Variants in CNTN5 observed in about 807,000 individuals in gnomAD.
The protein encoded by CNTN5 is contactin 5, also known as contactin-5.
A neutral mutation model predicts 129.1 loss-of-function variants in CNTN5; 77 were observed. The observed-to-expected ratio is 0.60, with a 90% CI of 0.50 to 0.72. The LOEUF (loss-of-function observed/expected upper bound fraction) is 0.72, where lower values mean the gene tolerates loss of function less well. Ranked by LOEUF, CNTN5 falls within the 30% of genes least tolerant of loss-of-function variation. The pLI, the probability that CNTN5 is intolerant of heterozygous loss-of-function variation, is 0.00. For synonymous variants in CNTN5, 509 were observed against 465.6 expected (o/e 1.09, Z -1.20); for missense variants, 1,478 against 1,328.8 (o/e 1.11, Z -1.75).
At chr11:99,754,482 C>T (rs1196661508) in intron 3 of CNTN5, among the ~76,000 whole-genome samples, 2 of 152,164 alleles carry the variant, frequency 1.3e-5, no homozygotes, top group Non-Finnish European at 2.9e-5. Flanking sequence ...CTTAAGGGTT[C>T]AACTTGTACT....
At position 100,340,650 on chromosome 11, in the gene CNTN5, G is replaced by A; in HGVS notation, c.2917+1G>A. ...GTGAGTGCAACCACCAAGAAATCCC[G>A]TAAGTGACCTGGGCTTTTTGTTTGT... is the stretch of plus-strand genomic sequence containing the variant. On this transcript the variant is annotated splice_donor_variant, in intron 22 of 24. Coordinates refer to ENST00000524871, the MANE Select transcript of CNTN5 (RefSeq NM_014361.4). LOFTEE classifies it high-confidence loss of function. The A allele has an allele frequency of 3.1e-6, 5 of 1,588,976 alleles. No homozygotes were observed. Among genetic ancestry groups the A allele is most frequent in the African/African-American group, 2.7e-5 (2 of 73,362 alleles).
intron 21 of CNTN5, among the ~76,000 whole-genome samples, chr11:100,309,975 G>A (rs1729164340): frequency 1.3e-5 from 2 of 151,842 alleles, no homozygotes; most frequent in African/African-American, 4.8e-5. Context: ...GAACTTTATG[G>A]TGTAGTTTAT....
intron 3 of CNTN5, among the ~76,000 whole-genome samples, chr11:99,676,311 A>G (rs564951692): frequency 6.6e-6 from 1 of 152,318 alleles, no homozygotes; most frequent in South Asian, 2.1e-4. Flanking sequence ...ACCATAGACT[A>G]CAACATAAAA....
chr11:99,427,504 C>T (rs567979020), intron 2 of CNTN5, among the ~76,000 whole-genome samples: 6 of 152,172 alleles, frequency 3.9e-5, no homozygotes, highest in East Asian at 1.9e-4. Flanking sequence ...CGGTGGCTCA[C>T]GCCTGTTATC....
chr11:99,903,053 G>T (rs1449208355), intron 6 of CNTN5, among the ~76,000 whole-genome samples: 1 of 151,970 alleles, frequency 6.6e-6, no homozygotes, highest in Non-Finnish European at 1.5e-5. Context: ...TAGCTTATAA[G>T]AGAAAAAATG....
chr11:99,281,575 G>A (rs140669651), intron 1 of CNTN5, among the ~76,000 whole-genome samples: 11 of 152,016 alleles, frequency 7.2e-5, no homozygotes, highest in African/African-American at 2.4e-4. Flanking sequence ...GGTCCTGACT[G>A]ACTCACCTGC....
At chr11:100,146,157 A>ACAAT (rs774469138) in intron 13 of CNTN5, among the ~76,000 whole-genome samples, 190 of 152,270 alleles carry the variant, frequency 1.2e-3, no homozygotes, top group Non-Finnish European at 2.4e-3. Context: ...GAGGGAAATA[A>ACAAT]CAATCAGTAA....
intron 13 of CNTN5, among the ~76,000 whole-genome samples, chr11:100,124,623 T>C (rs1490286609): frequency 6.6e-6 from 1 of 152,084 alleles, no homozygotes; most frequent in Non-Finnish European, 1.5e-5. Flanking sequence ...ATATAAAGTA[T>C]TGTGATTTAG....
intron 3 of CNTN5, among the ~76,000 whole-genome samples, chr11:99,691,003 A>G (rs575045057): frequency 6.6e-5 from 10 of 151,996 alleles, no homozygotes; most frequent in African/African-American, 2.4e-4. Flanking sequence ...GTATGTATCT[A>G]GTAATTTATT....
chr11:100,277,273 T>C (rs1283263424), intron 18 of CNTN5, among the ~76,000 whole-genome samples: 1 of 152,212 alleles, frequency 6.6e-6, no homozygotes, highest in African/African-American at 2.4e-5. Context: ...TGAATATTAC[T>C]GCAATAAATG....
At chr11:100,266,410 G>A (rs555230074) in intron 17 of CNTN5, among the ~76,000 whole-genome samples, 5 of 152,002 alleles carry the variant, frequency 3.3e-5, no homozygotes, top group Non-Finnish European at 5.9e-5. Context: ...ATAAAAAGAT[G>A]CTGCAAGACT....
At chr11:100,154,181 G>C (rs148587832) in intron 13 of CNTN5, among the ~76,000 whole-genome samples, 20 of 151,862 alleles carry the variant, frequency 1.3e-4, no homozygotes, top group African/African-American at 4.8e-4. Context: ...GTTTACTGCC[G>C]CTAATGAGGA....
intron 2 of CNTN5, among the ~76,000 whole-genome samples, chr11:99,413,461 A>T (rs561502293): frequency 6.6e-6 from 1 of 152,206 alleles, no homozygotes; most frequent in Admixed American, 6.5e-5. Context: ...TCTACTAAAA[A>T]TACAAAAATT....
chr11:99,576,416 T>C (rs957640243), intron 3 of CNTN5, among the ~76,000 whole-genome samples: 1 of 152,190 alleles, frequency 6.6e-6, no homozygotes, highest in East Asian at 1.9e-4. Flanking sequence ...GCATTACATA[T>C]ACTTGGATAT....
intron 13 of CNTN5, among the ~76,000 whole-genome samples, chr11:100,161,292 T>C (rs1050523814): frequency 1.3e-5 from 2 of 151,798 alleles, no homozygotes; most frequent in African/African-American, 4.8e-5. Context: ...CAAGCCCCAA[T>C]AGAGATGAAA....
At chr11:99,296,166 A>G (rs1864381157) in intron 1 of CNTN5, among the ~76,000 whole-genome samples, 1 of 152,126 alleles carries the variant, frequency 6.6e-6, no homozygotes, top group Non-Finnish European at 1.5e-5. Context: ...TGATCTTGGG[A>G]AAAGTTGTTC....
intron 13 of CNTN5, among the ~76,000 whole-genome samples, chr11:100,111,377 G>A (rs1945654088): frequency 1.3e-5 from 2 of 152,248 alleles, no homozygotes; most frequent in Middle Eastern, 6.8e-3. Context: ...AAAAAGGCAG[G>A]ATACAAATGA....
At chr11:100,280,066 C>A (rs11223495) in intron 18 of CNTN5, among the ~76,000 whole-genome samples, 61,136 of 151,280 alleles carry the variant, frequency 0.4, 13,887 homozygotes, top group Non-Finnish European at 0.53. Flanking sequence ...TTCATTGACC[C>A]ATGGGTCATT....
At chr11:100,235,446 G>A (rs1949590585) in intron 16 of CNTN5, among the ~76,000 whole-genome samples, 1 of 152,130 alleles carries the variant, frequency 6.6e-6, no homozygotes, top group South Asian at 2.1e-4. Flanking sequence ...GAGGCAGAGG[G>A]CGAGGAGTAT....
Sources: gnomAD v4.1 joint callset for allele counts (sites outside exome capture counted in the v4.1 genomes callset) on GRCh38, gnomAD v4.1.1 for gene constraint, MANE v1.5 for transcripts, NCBI Gene and HGNC (gene_info 2026-07-23, HGNC 2026-07-21) for gene names.